PCDHGB6: variants seen among roughly 807,000 people sequenced by gnomAD.
PCDHGB6 encodes the protein protocadherin gamma subfamily B, 6.
PCDHGB6 carries 51 observed loss-of-function variants against 59.1 expected under a neutral mutation model. The observed-to-expected ratio is 0.86, with a 90% CI of 0.69 to 1.09. The LOEUF is 1.09. PCDHGB6 is among the 50% of genes least tolerant of loss of function. The probability of loss-of-function intolerance (pLI) is 0.00; values close to 1 mark genes in which losing one functional copy is unlikely to be tolerated. For missense variants in PCDHGB6, 1,148 were observed against 1,205.1 expected, an observed-to-expected ratio of 0.95 and a Z score of 0.70; for synonymous variants, 466 against 495.1, an observed-to-expected ratio of 0.94 and a Z score of 0.78.
In PCDHGB6 at chr5:141,511,269, C is replaced by A; in HGVS notation, c.*96C>A. The A allele has an allele frequency of 1.3e-6, 2 of 1,546,672 alleles. No homozygotes were observed. Among genetic ancestry groups the A allele is most frequent in the Non-Finnish European group, 1.7e-6 (2 of 1,145,264 alleles). The stretch of plus-strand genomic sequence containing the variant: ...AGGCCTCAGAGTTTCAGGGCTAACC[C>A]CCAGAATACTGGTAGGGGCCAAGGC... On this transcript the variant is annotated 3_prime_UTR_variant, in exon 4 of 4. Transcript: ENST00000520790.
chr5:141,431,617 C>A lies in PCDHGB6; in HGVS notation c.2418+20997C>A. ...GGTATTCCTTCCGGTATGTGGACGA[C>A]AAGGCGGCCCAAGTTTTCAAACTAG... On this transcript the variant is annotated intron_variant, in intron 1 of 3. Coordinates refer to ENST00000520790, the MANE Select transcript of PCDHGB6 (RefSeq NM_018926.3). This position sits in a 1 kb window ranked among gnomAD's most constrained non-coding sequence, Gnocchi z 4.8. 6.2e-7 allele frequency: 1 copy of A among 1,614,236 alleles called. No homozygotes were observed. Among genetic ancestry groups the A allele is most frequent in the Non-Finnish European group, 8.5e-7 (1 of 1,180,044 alleles).
Position 141,409,138 on chromosome 5 carries a change from A to T in PCDHGB6, c.936A>T (p.Val312=). The stretch of plus-strand genomic sequence containing the variant: ...ACCAGTCATTTGATTTTGAAGATGT[A>T]GAAAGGTACACCATGGAAGTGGAAG... The part of the protein sequence containing the change: ...KNNQSFDFED[V]ERYTMEVEAK... The change falls in exon 1 of 4, where the codon GTA becomes GTT. Residue 312 remains valine (V), a synonymous_variant. Transcript: ENST00000520790. 6.2e-7 allele frequency: 1 copy of T among 1,614,046 alleles called. No individual in the cohort carries two copies. The highest frequency in any genetic ancestry group is 1.1e-5 in the South Asian group (1 of 91,086).
intron 2 of PCDHGB6, among the ~76,000 whole-genome samples, chr5:141,504,741 T>C (rs968590796): frequency 2.6e-5 from 4 of 151,826 alleles, no homozygotes; most frequent in South Asian, 2.1e-4. Context: ...TAGGAAGCCA[T>C]TGAATTTTAG....
chr5:141,509,595 C>T (rs968797923), intron 3 of PCDHGB6, among the ~76,000 whole-genome samples: 36 of 152,168 alleles, frequency 2.4e-4, no homozygotes, highest in African/African-American at 6.8e-4. Context: ...CTGGCAATTC[C>T]GAGAGGCTGC....
Position 141,491,722 on chromosome 5 carries a change from C to G in PCDHGB6, c.2419-3085C>G, listed in dbSNP as rs1276921909. ...CCAGGTGAGGGGCTCGGCGCCGCCC[C>G]GGGCGACCCCTGGGGGCGGCACTGG... On this transcript the variant is annotated intron_variant, in intron 1 of 3. Transcript: ENST00000520790. This position sits in a 1 kb window ranked among gnomAD's most constrained non-coding sequence, Gnocchi z 6.9. 2 of 1,607,004 alleles carry G rather than the reference C, an allele frequency of 1.2e-6. No homozygotes were observed. The highest frequency in any genetic ancestry group is 1.7e-5 in the Admixed American group (1 of 58,788).
Position 141,487,632 on chromosome 5 carries a change from C to G in PCDHGB6, c.2419-7175C>G, listed in dbSNP as rs374506603. The G allele has an allele frequency of 6.2e-7, 1 of 1,614,186 alleles. No homozygotes were observed. Among genetic ancestry groups the G allele is most frequent in the East Asian group, 2.2e-5 (1 of 44,888 alleles). On this transcript the variant is annotated intron_variant, in intron 1 of 3. Coordinates refer to ENST00000520790, the MANE Select transcript of PCDHGB6 (RefSeq NM_018926.3). The surrounding 1 kb of genome is among the most constrained non-coding windows in gnomAD (Gnocchi z 5.0). ...GGGCTAGAGGTGAGACCTTTGCAGG[C>G]TCAACAAATGCTTGAGGGTTATTCT... is the stretch of plus-strand genomic sequence containing the variant.
At chr5:141,422,929 C>A (rs752323344) in intron 1 of PCDHGB6, 8 of 1,614,260 alleles carry the variant, frequency 5.0e-6, no homozygotes, top group Middle Eastern at 3.3e-4. Flanking sequence ...GTACCCTGCC[C>A]TCCCCACAGA....
chr5:141,470,742 G>T (rs2099238719), intron 1 of PCDHGB6, among the ~76,000 whole-genome samples: 1 of 152,066 alleles, frequency 6.6e-6, no homozygotes, highest in African/African-American at 2.4e-5. Flanking sequence ...CTGTCGCCCT[G>T]GCTGGAGTGC....
chr5:141,482,758 T>TGC (rs1413945459), intron 1 of PCDHGB6, among the ~76,000 whole-genome samples: 74 of 141,724 alleles, frequency 5.2e-4, no homozygotes, highest in African/African-American at 9.9e-4. Flanking sequence ...ATTATGGTAT[T>TGC]TCATTATCAC....
intron 1 of PCDHGB6, chr5:141,423,278 A>C: frequency 1.2e-6 from 2 of 1,613,940 alleles, no homozygotes; most frequent in Non-Finnish European, 1.7e-6. Flanking sequence ...TCTCTGGCTA[A>C]CTCTGAAACC....
At chr5:141,433,404 TATTA>T (rs142533293) in intron 1 of PCDHGB6, among the ~76,000 whole-genome samples, 252 of 146,310 alleles carry the variant, frequency 1.7e-3, no homozygotes, top group African/African-American at 6.2e-3. Context: ...TCTATCTATC[TATTA>T]CTTTCTTGTA....
rs746642302 is a variant in PCDHGB6, at chr5:141,491,107, A to G, written c.2419-3700A>G. The stretch of plus-strand genomic sequence containing the variant: ...AGCCCCAGGACTGTTCCTCGTGTCT[A>G]CACACACTGGTGAGGTGCGCACAGC... On this transcript the variant is annotated intron_variant, in intron 1 of 3. Coordinates refer to ENST00000520790, the MANE Select transcript of PCDHGB6 (RefSeq NM_018926.3). The surrounding 1 kb of genome is among the most constrained non-coding windows in gnomAD (Gnocchi z 6.9). 2.5e-6 allele frequency: 4 copies of G among 1,614,148 alleles called. No homozygotes were observed. Among genetic ancestry groups the G allele is most frequent in the Non-Finnish European group, 2.5e-6 (3 of 1,180,014 alleles).
intron 2 of PCDHGB6, 103 bp from the exon 3 acceptor site, chr5:141,505,290 G>A: frequency 3.2e-6 from 5 of 1,564,680 alleles, no homozygotes; most frequent in Non-Finnish European, 4.3e-6. Context: ...TTGGGCATGG[G>A]GTAGGGTTAG....
At chr5:141,419,385 C>T (rs753470433) in intron 1 of PCDHGB6, 6 of 1,613,686 alleles carry the variant, frequency 3.7e-6, no homozygotes, top group Admixed American at 1.7e-5. Context: ...TCCGTGAGCG[C>T]GCAGAGCGGG....
At chr5:141,418,124 C>G (rs762154093) in intron 1 of PCDHGB6, 1 of 1,613,836 alleles carries the variant, frequency 6.2e-7, no homozygotes, top group African/African-American at 1.3e-5. Context: ...TGTGAAGGAC[C>G]GAATAGACCG....
chr5:141,500,467 C>T lies in PCDHGB6; in HGVS notation c.2478-4926C>T, dbSNP rs368360639. 6.6e-5 allele frequency among the ~76,000 whole-genome samples: 10 copies of T among 152,262 alleles called. No homozygotes were observed. In the South Asian group the frequency reaches 2.1e-3, roughly 32 times the overall value. ...CTCGTGATCCGCCCGCCTCGGCCTC[C>T]CAAAGTGCTGGGATTACAGGCGTGA... is the stretch of plus-strand genomic sequence containing the variant. On this transcript the variant is annotated intron_variant, in intron 2 of 3. Coordinates refer to ENST00000520790, the MANE Select transcript of PCDHGB6 (RefSeq NM_018926.3).
rs1360364370 is a variant in PCDHGB6, at chr5:141,491,814, G to A, written c.2419-2993G>A. 1 of 1,486,114 alleles carries A rather than the reference G, an allele frequency of 6.7e-7. No individual in the cohort carries two copies. The allele number at this position is 1,486,114 out of a possible 1,614,324, so 92.1% of individuals were successfully genotyped here. On this transcript the variant is annotated intron_variant, in intron 1 of 3. Transcript: ENST00000520790. This position sits in a 1 kb window ranked among gnomAD's most constrained non-coding sequence, Gnocchi z 6.9. ...TCCTCTCCGGCCGGCTTGGTCGCTGGCTGCGCTCCACCCGATTCTCGGGAT... is the reference window on the plus strand; with the variant it reads ...TCCTCTCCGGCCGGCTTGGTCGCTGACTGCGCTCCACCCGATTCTCGGGAT...
chr5:141,427,405 C>T (rs1209638263), intron 1 of PCDHGB6: 1 of 462,180 alleles, frequency 2.2e-6, no homozygotes, highest in East Asian at 6.8e-5. Context: ...GATAAAGATT[C>T]GAGAGAAAAT....
intron 1 of PCDHGB6, among the ~76,000 whole-genome samples, chr5:141,492,781 T>A (rs945023154): frequency 6.6e-6 from 1 of 152,194 alleles, no homozygotes; most frequent in African/African-American, 2.4e-5. Context: ...TGAGTGAGCC[T>A]CTATAGGACA....
Sources: gnomAD v4.1 joint callset for allele counts (sites outside exome capture counted in the v4.1 genomes callset) on GRCh38, gnomAD v4.1.1 for gene constraint, Gnocchi (gnomAD v3.1) non-coding constraint, MANE v1.5 for transcripts, NCBI Gene and HGNC (gene_info 2026-07-23, HGNC 2026-07-21) for gene names.